Variants in CDH20 observed in about 807,000 individuals in gnomAD.
The protein encoded by CDH20 is cadherin 20.
A neutral mutation model predicts 74.2 loss-of-function variants in CDH20; 29 were observed. That is an observed-to-expected ratio of 0.39 (90% confidence interval 0.29 to 0.53). The LOEUF (loss-of-function observed/expected upper bound fraction) is 0.53, where lower values mean the gene tolerates loss of function less well. CDH20 is among the 20% of genes least tolerant of loss of function. The probability of loss-of-function intolerance (pLI) is 0.69; values close to 1 mark genes in which losing one functional copy is unlikely to be tolerated. For synonymous variants in CDH20, 469 were observed against 405.4 expected, an observed-to-expected ratio of 1.16 and a Z score of -1.88; for missense variants, 988 against 1,048.3, an observed-to-expected ratio of 0.94 and a Z score of 0.79.
intron 2 of CDH20, among the ~76,000 whole-genome samples, chr18:61,494,600 C>T (rs676273): frequency 1 from 151,985 of 152,250 alleles, 75,861 homozygotes; most frequent in Non-Finnish European, 1. Context: ...ATTCTGCTTG[C>T]GACCTTGAGC....
rs1050800375 is a variant in CDH20 at position 61,421,213 on chromosome 18, G to A, written c.-152-69189G>A. On this transcript the variant is annotated intron_variant, in intron 1 of 11. Coordinates refer to ENST00000262717, the MANE Select transcript of CDH20 (RefSeq NM_031891.4). ...TGAAATGGTGTCTAAAATAATGTTC[G>A]AGAAATTTTTTGTAAATAAATGAAG... Among the ~76,000 whole-genome samples, 5 of 152,216 alleles carry A rather than the reference G, an allele frequency of 3.3e-5. No individual in the cohort carries two copies. The South Asian group carries it at 8.3e-4, about 25-fold the overall frequency.
In CDH20 at chr18:61,528,154, T is replaced by A. The variant is rs368963234; in HGVS notation, c.1205T>A (p.Val402Glu). ...GFYFVEVPED[V>E]AIGTTIQIIS... The stretch of plus-strand genomic sequence containing the variant: ...TACTTTGTGGAGGTGCCTGAGGATG[T>A]GGCGATTGGAACAACCATACAGATC... Residue 402 changes from valine (V) to glutamate (E), a missense_variant, in exon 7 of 12, where the codon GTG becomes GAG. By Grantham distance (121) the Val-to-Glu change is moderately radical. Transcript: ENST00000262717. 6 of 1,614,006 alleles carry A rather than the reference T, an allele frequency of 3.7e-6. No homozygotes were observed. The highest frequency in any genetic ancestry group is 5.1e-6 in the Non-Finnish European group (6 of 1,180,022).
chr18:61,355,446 C>A (rs893881903), intron 1 of CDH20, among the ~76,000 whole-genome samples: 3 of 152,196 alleles, frequency 2.0e-5, no homozygotes, highest in Non-Finnish European at 4.4e-5. Context: ...CCAGTAGCTA[C>A]GTTTTAGTAT....
chr18:61,407,178 G>T (rs1369055907), intron 1 of CDH20, among the ~76,000 whole-genome samples: 1 of 152,168 alleles, frequency 6.6e-6, no homozygotes, highest in Admixed American at 6.5e-5. Context: ...TTTATGATAA[G>T]AGACAGTTTT....
At chr18:61,419,069 G>A (rs1434131463) in intron 1 of CDH20, among the ~76,000 whole-genome samples, 1 of 151,976 alleles carries the variant, frequency 6.6e-6, no homozygotes, top group Non-Finnish European at 1.5e-5. Context: ...CGCCCTTAGG[G>A]TATCTTCTTT....
At chr18:61,421,195 G>C (rs1227825646) in intron 1 of CDH20, among the ~76,000 whole-genome samples, 1 of 152,160 alleles carries the variant, frequency 6.6e-6, no homozygotes, top group Non-Finnish European at 1.5e-5. Flanking sequence ...TAATGAAATG[G>C]TGTCTAAAAT....
At position 61,490,565 on chromosome 18, in the gene CDH20, T is replaced by C. The variant is rs1834347679; in HGVS notation, c.12T>C (p.Ser4=). 6.2e-7 allele frequency: 1 copy of C among 1,613,882 alleles called. No homozygotes were observed. Among genetic ancestry groups the C allele is most frequent in the African/African-American group, 1.3e-5 (1 of 75,048 alleles). The change falls in exon 2 of 12, where the codon TCT becomes TCC. Residue 4 remains serine, a synonymous_variant. Transcript: ENST00000262717. ...AACCTGGCAATCCCATGTGGACTTC[T>C]GGTAGAATGAGCAATGCAAAGAACT... is the stretch of plus-strand genomic sequence containing the variant. MWT[S]GRMSNAKNWL...
intron 1 of CDH20, among the ~76,000 whole-genome samples, chr18:61,485,293 A>T (rs964649227): frequency 1.3e-5 from 2 of 152,238 alleles, no homozygotes; most frequent in Admixed American, 1.3e-4. Flanking sequence ...TTAAATATGT[A>T]AACATTGATT....
At chr18:61,496,205 C>T (rs1362629152) in intron 2 of CDH20, among the ~76,000 whole-genome samples, 56 of 58,050 alleles carry the variant, frequency 9.6e-4, no homozygotes, top group African/African-American at 3.5e-3. Context: ...TCCTCTCCCC[C>T]CTCTATCCCT....
intron 11 of CDH20, 97 bp downstream of exon 11, chr18:61,550,326 T>A (rs1399104293): frequency 4.9e-6 from 7 of 1,416,284 alleles, no homozygotes; most frequent in Non-Finnish European, 6.8e-6. Flanking sequence ...AGAACTGGTC[T>A]TCCACACCTT....
At chr18:61,521,664 A>C (rs574795375) in intron 6 of CDH20, among the ~76,000 whole-genome samples, 1 of 151,534 alleles carries the variant, frequency 6.6e-6, no homozygotes, top group South Asian at 2.1e-4. Flanking sequence ...CATCGATGTG[A>C]AAATCCTCAA....
At chr18:61,360,089 G>C (rs1335702737) in intron 1 of CDH20, among the ~76,000 whole-genome samples, 1 of 152,168 alleles carries the variant, frequency 6.6e-6, no homozygotes, top group African/African-American at 2.4e-5. Context: ...TAAGAGTGGG[G>C]AGCATGGAGT....
intron 1 of CDH20, among the ~76,000 whole-genome samples, chr18:61,451,815 G>T (rs763829616): frequency 6.6e-6 from 1 of 151,972 alleles, no homozygotes; most frequent in Non-Finnish European, 1.5e-5. Flanking sequence ...CTTTTTCAGA[G>T]AGCTGACAGT....
chr18:61,375,172 G>A (rs920810723), intron 1 of CDH20, among the ~76,000 whole-genome samples: 18 of 152,134 alleles, frequency 1.2e-4, no homozygotes, highest in Non-Finnish European at 2.2e-4. Context: ...AGTCCACACT[G>A]GACCAGTCAC....
intron 6 of CDH20, among the ~76,000 whole-genome samples, chr18:61,526,008 A>T (rs374391268): frequency 8.7e-6 from 1 of 115,060 alleles, no homozygotes; most frequent in East Asian, 2.5e-4. Context: ...TGTAGGTCTC[A>T]TTAGGTTGTC....
chr18:61,541,942 G>T (rs921380078), intron 9 of CDH20, among the ~76,000 whole-genome samples: 2 of 151,948 alleles, frequency 1.3e-5, no homozygotes, highest in Non-Finnish European at 2.9e-5. Context: ...GCAGGAGAGC[G>T]GGCCATGCGC....
chr18:61,469,345 C>G lies in CDH20; in HGVS notation c.-152-21057C>G, dbSNP rs181090730. ...GAAAGCAGCTGAGCAAAGCTTAACC[C>G]CAGTTGGATGAGAATGAATACACAC... On this transcript the variant is annotated intron_variant, in intron 1 of 11. Coordinates refer to ENST00000262717, the MANE Select transcript of CDH20 (RefSeq NM_031891.4). 1.7e-4 allele frequency among the ~76,000 whole-genome samples: 25 copies of G among 149,892 alleles called. No homozygotes were observed. In the East Asian group the frequency reaches 4.9e-3, roughly 29 times the overall value.
intron 2 of CDH20, among the ~76,000 whole-genome samples, chr18:61,497,230 C>T (rs1237555523): frequency 6.6e-6 from 1 of 151,778 alleles, no homozygotes; most frequent in Non-Finnish European, 1.5e-5. Flanking sequence ...ATTTTATTCC[C>T]TTATTTCTCT....
chr18:61,487,563 G>T (rs1347988675), intron 1 of CDH20, among the ~76,000 whole-genome samples: 1 of 152,140 alleles, frequency 6.6e-6, no homozygotes, highest in Non-Finnish European at 1.5e-5. Context: ...GGTGTGTAAA[G>T]GTACCATCAG....
Sources: gnomAD v4.1 joint callset for allele counts (sites outside exome capture counted in the v4.1 genomes callset) on GRCh38, gnomAD v4.1.1 for gene constraint, MANE v1.5 for transcripts, NCBI Gene and HGNC (gene_info 2026-07-23, HGNC 2026-07-21) for gene names.